Variants in MYH10 observed in about 807,000 individuals in gnomAD.
MYH10 encodes myosin heavy chain 10, also known as myosin-10.
In MYH10, 55 loss-of-function variants were observed where a neutral mutation model predicts 257.8. The observed-to-expected ratio is 0.21, with a 90% CI of 0.17 to 0.27. MYH10 has a LOEUF of 0.27. MYH10 is among the 10% of genes least tolerant of loss of function. MYH10 has a pLI of 1.00. For synonymous variants in MYH10, 854 were observed against 921.7 expected, an observed-to-expected ratio of 0.93 and a Z score of 1.33; for missense variants, 1,631 against 2,500.6, an observed-to-expected ratio of 0.65 and a Z score of 7.42.
chr17:8,623,198 C>T lies in MYH10; in HGVS notation c.49G>A (p.Asp17Asn), dbSNP rs2085533288. The T allele has an allele frequency of 1.2e-6, 2 of 1,609,210 alleles. No individual in the cohort carries two copies. Among genetic ancestry groups the T allele is most frequent in the Non-Finnish European group, 1.7e-6 (2 of 1,178,240 alleles). ...GCAGGGTTGTAGATGACAGCCCTGT[C>T]CACAAAGAGATACCTCTCTGGATCC... ...LEDPERYLFVDRAVIYNPATQ... is the reference protein window; with the variant it reads ...LEDPERYLFVNRAVIYNPATQ... Residue 17 changes from aspartate to asparagine, a missense_variant, in exon 2 of 43, where the codon GAC becomes AAC. Physicochemically the swap from Asp to Asn is conservative, Grantham distance 23 (BLOSUM62 1). This residue lies in a region of MYH10 where 360 missense variants were observed against 581.9 expected (regional missense o/e 0.62). Coordinates refer to ENST00000360416, the MANE Select transcript of MYH10 (RefSeq NM_001256012.3).
rs375420253 is a variant in MYH10, at chr17:8,513,551, C to T, written c.2732G>A (p.Arg911Gln). 2.5e-6 allele frequency: 4 copies of T among 1,613,970 alleles called. No individual in the cohort carries two copies. The highest frequency in any genetic ancestry group is 2.2e-5 in the East Asian group (1 of 44,886). The change falls in exon 23 of 43, where the codon CGG becomes CAG. Residue 911 changes from arginine (R) to glutamine (Q), a missense_variant. Arg to Gln is a conservative substitution (Grantham distance 43, BLOSUM62 1). Transcript: ENST00000360416. The part of the protein sequence containing the change: ...KVEGELEEME[R>Q]KHQQLLEEKN... The stretch of plus-strand genomic sequence containing the variant: ...CACTGCACACACCTGCTGGTGCTTC[C>T]GCTCCATCTCCTCCAGCTCTCCTTC...
chr17:8,523,877 C>T (rs149684528), intron 17 of MYH10, among the ~76,000 whole-genome samples: 2 of 152,224 alleles, frequency 1.3e-5, no homozygotes, highest in African/African-American at 2.4e-5. Flanking sequence ...CTTGAGCAAC[C>T]GAGTGGCGGT....
chr17:8,530,758 T>C (rs2081983895), intron 16 of MYH10, 73 bp from the exon 17 acceptor site: 1 of 1,159,098 alleles, frequency 8.6e-7, no homozygotes, highest in Admixed American at 2.4e-5. Flanking sequence ...TGAAAGACAT[T>C]TGACAGCACA....
At chr17:8,522,905 C>T (rs1371667764) in intron 17 of MYH10, among the ~76,000 whole-genome samples, 1 of 152,188 alleles carries the variant, frequency 6.6e-6, no homozygotes, top group Non-Finnish European at 1.5e-5. Flanking sequence ...ATTGTAAAAA[C>T]TCTCCACTCC....
Position 8,475,880 on chromosome 17 carries a change from G to A in MYH10, c.5948C>T (p.Ser1983Phe), listed in dbSNP as rs144361331. 5 of 1,614,108 alleles carry A rather than the reference G, an allele frequency of 3.1e-6. No individual in the cohort carries two copies. The African/African-American group carries it at 5.3e-5, about 17-fold the overall frequency. The change falls in exon 43 of 43, where the codon TCC becomes TTC. Residue 1983 changes from serine (S) to phenylalanine (F), a missense_variant. By Grantham distance (155) the Ser-to-Phe change is radical. Around this residue, in one of 11 missense-constraint regions of MYH10, gnomAD observed 343 missense variants for 389.5 expected, o/e 0.88. Coordinates refer to ENST00000360416, the MANE Select transcript of MYH10 (RefSeq NM_001256012.3). ...GRRQLHLEGA[S>F]LELSDDDTES... ...TGTGTCATCGTCGGAGAGCTCCAGG[G>A]AAGCTCCTTCAAGGTGCAGCTGGCG...
chr17:8,479,658 G>A (rs1913338283), intron 40 of MYH10, among the ~76,000 whole-genome samples: 1 of 152,202 alleles, frequency 6.6e-6, no homozygotes, highest in Non-Finnish European at 1.5e-5. Context: ...ATGCCTGCCA[G>A]CAGCTGTACT....
At chr17:8,610,074 G>A (rs1260280811) in intron 2 of MYH10, among the ~76,000 whole-genome samples, 1 of 151,784 alleles carries the variant, frequency 6.6e-6, no homozygotes, top group African/African-American at 2.4e-5. Flanking sequence ...ATTTTTAGGT[G>A]ACTGGCAGAT....
chr17:8,597,289 T>C (rs1597931320), intron 3 of MYH10, among the ~76,000 whole-genome samples: 1 of 149,502 alleles, frequency 6.7e-6, no homozygotes, highest in East Asian at 2.0e-4. Context: ...TAATAGGCAG[T>C]CTAAAGATAG....
chr17:8,512,091 G>C (rs530338063), intron 24 of MYH10, among the ~76,000 whole-genome samples: 1 of 152,318 alleles, frequency 6.6e-6, no homozygotes, highest in South Asian at 2.1e-4. Context: ...CCACGTAGTA[G>C]ATGTCTATCT....
Position 8,521,198 on chromosome 17 carries a change from C to T in MYH10, c.2045G>A (p.Arg682His), listed in dbSNP as rs1234694305. Residue 682 changes from arginine to histidine, a missense_variant, in exon 18 of 43, where the codon CGT (arginine) becomes CAT (histidine). By Grantham distance (29) the Arg-to-His change is conservative. This residue lies in a region of MYH10 where 96 missense variants were observed against 146.2 expected (regional missense o/e 0.66). Transcript: ENST00000360416. The stretch of plus-strand genomic sequence containing the variant: ...TTCTTTGTAGAGTTGCCCAACGGTA[C>T]GAAACATGCCCTTCTTGGTTTTATA... ...SAYKTKKGMFRTVGQLYKESL... is the reference protein window; with the variant it reads ...SAYKTKKGMFHTVGQLYKESL... 4 of 1,614,164 alleles carry T rather than the reference C, an allele frequency of 2.5e-6. No individual in the cohort carries two copies. The highest frequency in any genetic ancestry group is 1.7e-5 in the Admixed American group (1 of 60,024).
chr17:8,554,929 G>A (rs937426063), intron 7 of MYH10, among the ~76,000 whole-genome samples: 1 of 151,508 alleles, frequency 6.6e-6, no homozygotes, highest in African/African-American at 2.4e-5. Context: ...CTCCAGCCTG[G>A]GTGACAGAGC....
intron 4 of MYH10, among the ~76,000 whole-genome samples, chr17:8,580,099 C>T (rs756871991): frequency 6.6e-6 from 1 of 152,046 alleles, no homozygotes; most frequent in Non-Finnish European, 1.5e-5. Flanking sequence ...TGCACTCAAG[C>T]CTGGGCGACA....
At chr17:8,572,257 T>A (rs1182311121) in intron 6 of MYH10, among the ~76,000 whole-genome samples, 5 of 97,016 alleles carry the variant, frequency 5.2e-5, no homozygotes, top group African/African-American at 1.9e-4. Flanking sequence ...TGTGTGTGTG[T>A]GAGTGAGAGA....
chr17:8,495,587 A>G (rs947755839), intron 30 of MYH10, among the ~76,000 whole-genome samples: 1 of 152,204 alleles, frequency 6.6e-6, no homozygotes, highest in Non-Finnish European at 1.5e-5. Context: ...CTCTGTGGGG[A>G]GGCTGAAGGC....
chr17:8,543,022 T>A (rs2082334228), intron 13 of MYH10, among the ~76,000 whole-genome samples: 1 of 152,220 alleles, frequency 6.6e-6, no homozygotes, highest in Admixed American at 6.5e-5. Flanking sequence ...GCCCATTTTT[T>A]AAGAGAAAAA....
At chr17:8,480,348 G>C in intron 39 of MYH10, 30 bp from the exon 40 acceptor site, 1 of 1,613,160 alleles carries the variant, frequency 6.2e-7, no homozygotes, top group Non-Finnish European at 8.5e-7. Context: ...TTAGTCACTT[G>C]TGCCTGAGGG....
At chr17:8,580,382 G>C (rs1474058088) in intron 4 of MYH10, among the ~76,000 whole-genome samples, 1 of 151,438 alleles carries the variant, frequency 6.6e-6, no homozygotes, top group Non-Finnish European at 1.5e-5. Flanking sequence ...GAGTTAAGTG[G>C]TATCAATATT....
chr17:8,624,075 T>C (rs576253737), intron 1 of MYH10, among the ~76,000 whole-genome samples: 123 of 152,344 alleles, frequency 8.1e-4, no homozygotes, highest in Non-Finnish European at 1.4e-3. Flanking sequence ...AGCCCAGATA[T>C]GGTCTGACCA....
intron 37 of MYH10, among the ~76,000 whole-genome samples, chr17:8,482,618 C>T (rs529626419): frequency 7.4e-4 from 113 of 152,246 alleles, no homozygotes; most frequent in East Asian, 2.7e-3. Context: ...GAAGGGACCC[C>T]GGGGCCTCTA....
Sources: gnomAD v4.1 joint callset for allele counts (sites outside exome capture counted in the v4.1 genomes callset) on GRCh38, gnomAD v4.1.1 for gene constraint, gnomAD v4.1.1 regional missense constraint, MANE v1.5 for transcripts, NCBI Gene and HGNC (gene_info 2026-07-23, HGNC 2026-07-21) for gene names.